The following PLEKHA7 variants were observed in gnomAD, a reference collection of about 807,000 sequenced individuals.
The protein encoded by PLEKHA7 is pleckstrin homology domain containing A7, also known as pleckstrin homology domain-containing family A member 7.
A neutral mutation model predicts 170.0 loss-of-function variants in PLEKHA7; 104 were observed. The ratio of observed to expected loss-of-function variants is 0.61; its 90% CI spans 0.52 to 0.72. The LOEUF (loss-of-function observed/expected upper bound fraction) is 0.72. Ranked by LOEUF, PLEKHA7 falls within the 30% of genes least tolerant of loss-of-function variation. The pLI is 0.00. For synonymous variants in PLEKHA7, 648 were observed against 660.8 expected, an observed-to-expected ratio of 0.98 and a Z score of 0.30; for missense variants, 1,615 against 1,671.7, an observed-to-expected ratio of 0.97 and a Z score of 0.59.
Position 16,783,946 on chromosome 11 carries a change from A to T in PLEKHA7, c.3517-113T>A, listed in dbSNP as rs557706579. 12 of 1,109,134 alleles carry T rather than the reference A, an allele frequency of 1.1e-5. No individual in the cohort carries two copies. In the South Asian group the frequency reaches 3.8e-4, roughly 36 times the overall value. 68.7% of individuals were successfully genotyped at this position (1,109,134 alleles called of 1,614,324 possible). ...TGGGAAGCAAGCAGAGTCCACAGAG[A>T]CTAAGTAACTTGCTAAGATCACAAA... On this transcript the variant is annotated intron_variant, in intron 24 of 26. Transcript: ENST00000531066.
chr11:16,901,098 C>T (rs1216212568), intron 3 of PLEKHA7, among the ~76,000 whole-genome samples: 2 of 152,100 alleles, frequency 1.3e-5, no homozygotes, highest in Admixed American at 6.5e-5. Flanking sequence ...CCGCCTGCCT[C>T]GACCTCCCGA....
chr11:16,942,198 G>A (rs1860743015), intron 3 of PLEKHA7, among the ~76,000 whole-genome samples: 4 of 152,132 alleles, frequency 2.6e-5, no homozygotes, highest in Admixed American at 2.6e-4. Flanking sequence ...TTCAAACTTG[G>A]GGGGTCAGAT....
intron 3 of PLEKHA7, among the ~76,000 whole-genome samples, chr11:16,908,847 C>T (rs377209706): frequency 2.6e-5 from 4 of 152,264 alleles, no homozygotes; most frequent in Admixed American, 6.5e-5. Context: ...TATTTTGTAA[C>T]GCCAGCCCTA....
intron 3 of PLEKHA7, among the ~76,000 whole-genome samples, chr11:16,993,805 G>A (rs1299840091): frequency 6.6e-6 from 1 of 152,148 alleles, no homozygotes; most frequent in African/African-American, 2.4e-5. Context: ...AGAGAAATCA[G>A]GAGAGACCAA....
At chr11:16,887,914 C>A (rs1163130486) in intron 3 of PLEKHA7, among the ~76,000 whole-genome samples, 2 of 139,442 alleles carry the variant, frequency 1.4e-5, no homozygotes, top group African/African-American at 5.2e-5. Flanking sequence ...GTGAGGAGTG[C>A]CTCTTCCCGG....
chr11:17,013,945 C>CA, intron 3 of PLEKHA7, 44 bp downstream of exon 3: 1 of 1,452,838 alleles, frequency 6.9e-7, no homozygotes, highest in Admixed American at 2.4e-5. Flanking sequence ...GAGGGACCCC[C>CA]CCCCCGCGGC....
intron 3 of PLEKHA7, among the ~76,000 whole-genome samples, chr11:16,918,368 A>T (rs1427417441): frequency 6.6e-6 from 1 of 152,182 alleles, no homozygotes; most frequent in Non-Finnish European, 1.5e-5. Flanking sequence ...CAGACCTAGG[A>T]GGAGAAAGGT....
intron 8 of PLEKHA7, among the ~76,000 whole-genome samples, chr11:16,848,641 T>C (rs746336710): frequency 6.6e-6 from 1 of 152,252 alleles, no homozygotes; most frequent in Admixed American, 6.5e-5. Context: ...TATTTCAAGA[T>C]ACCTGCAACA....
intron 4 of PLEKHA7, among the ~76,000 whole-genome samples, chr11:16,859,961 T>C (rs1254049883): frequency 2.0e-5 from 3 of 152,216 alleles, no homozygotes; most frequent in African/African-American, 7.2e-5. Flanking sequence ...AATCCCAAAG[T>C]ACAATGGGAT....
At position 16,786,272 on chromosome 11, in the gene PLEKHA7, A is replaced by G; in HGVS notation, c.3473T>C (p.Leu1158Ser). Residue 1158 changes from leucine to serine, a missense_variant, in exon 24 of 27, where the codon TTG becomes TCG. Leu to Ser is a moderately radical substitution (Grantham distance 145). Transcript: ENST00000531066. ...LKVQAMPVTE[L>S]DLEPQDYDLD... is the part of the protein sequence containing the mutation. Reference sequence around the variant, plus strand: ...GTCATAGTCTTGAGGCTCCAGGTCCAACTCAGTGACAGGCATGGCCTGCAC... The same window carrying G: ...GTCATAGTCTTGAGGCTCCAGGTCCGACTCAGTGACAGGCATGGCCTGCAC... 1 of 1,536,160 alleles carries G rather than the reference A, an allele frequency of 6.5e-7. No individual in the cohort carries two copies. The highest frequency in any genetic ancestry group is 2.0e-5 in the Admixed American group (1 of 51,002).
intron 3 of PLEKHA7, among the ~76,000 whole-genome samples, chr11:16,958,713 C>T (rs1590720063): frequency 6.6e-6 from 1 of 152,270 alleles, no homozygotes; most frequent in Non-Finnish European, 1.5e-5. Flanking sequence ...TTTAAAATGT[C>T]CCCAAAATCT....
At chr11:16,914,144 TA>T (rs1170975278) in intron 3 of PLEKHA7, among the ~76,000 whole-genome samples, 2 of 150,884 alleles carry the variant, frequency 1.3e-5, no homozygotes, top group East Asian at 1.9e-4. Flanking sequence ...AAAGCATATT[TA>T]AAAAAAAAGC....
chr11:16,889,420 A>AATATATATATATAT (rs1554964151), intron 3 of PLEKHA7, among the ~76,000 whole-genome samples: 1 of 74,684 alleles, frequency 1.3e-5, no homozygotes, highest in African/African-American at 6.3e-5. Context: ...AAAAAAAAAA[A>AATATATATATATAT]ATATATATAT....
At chr11:16,944,444 G>A (rs554305381) in intron 3 of PLEKHA7, among the ~76,000 whole-genome samples, 59 of 151,642 alleles carry the variant, frequency 3.9e-4, no homozygotes, top group Non-Finnish European at 6.9e-4. Context: ...CCCAGGAGGC[G>A]GAGGTTGCAG....
rs933255928 is a variant in PLEKHA7 at position 16,938,437 on chromosome 11, G to C, written c.222-67255C>G. ...ATTTTTTTCTCTGAAACATTTACTG[G>C]TCTATTAATACATTTAGTGAACTTA... is the stretch of plus-strand genomic sequence containing the variant. On this transcript the variant is annotated intron_variant, in intron 3 of 26. Transcript: ENST00000531066. 1.3e-5 allele frequency among the ~76,000 whole-genome samples: 2 copies of C among 151,820 alleles called. 1 individual carries two copies. The highest frequency in any genetic ancestry group is 1.3e-4 in the Admixed American group (2 of 15,224).
At chr11:16,902,295 C>T (rs1342935970) in intron 3 of PLEKHA7, among the ~76,000 whole-genome samples, 3 of 152,204 alleles carry the variant, frequency 2.0e-5, no homozygotes, top group Non-Finnish European at 2.9e-5. Context: ...AATCATGTAG[C>T]TATGAATTGC....
chr11:16,891,774 G>C (rs58542530), intron 3 of PLEKHA7, among the ~76,000 whole-genome samples: 5 of 152,080 alleles, frequency 3.3e-5, no homozygotes, highest in African/African-American at 7.2e-5. Flanking sequence ...AAAGCTGGAG[G>C]AAGTCCAGGA....
chr11:16,820,790 C>T (rs537043177), intron 10 of PLEKHA7, among the ~76,000 whole-genome samples: 1 of 152,200 alleles, frequency 6.6e-6, no homozygotes, highest in East Asian at 1.9e-4. Flanking sequence ...CCTCAAATCC[C>T]TAAGCTCATC....
intron 3 of PLEKHA7, among the ~76,000 whole-genome samples, chr11:16,922,522 G>T (rs1403794395): frequency 2.6e-5 from 4 of 152,120 alleles, no homozygotes; most frequent in African/African-American, 4.8e-5. Context: ...GTACTCACAG[G>T]GTATAGGCCT....
Sources: gnomAD v4.1 joint callset for allele counts (sites outside exome capture counted in the v4.1 genomes callset) on GRCh38, gnomAD v4.1.1 for gene constraint, MANE v1.5 for transcripts, NCBI Gene and HGNC (gene_info 2026-07-23, HGNC 2026-07-21) for gene names.